Variants in THY1 observed in about 807,000 individuals in gnomAD.
THY1 encodes the protein thy-1 membrane glycoprotein.
In THY1, 10 loss-of-function variants were observed where a neutral mutation model predicts 14.9. The ratio of observed to expected loss-of-function variants is 0.67; its 90% CI spans 0.41 to 1.14. The LOEUF (loss-of-function observed/expected upper bound fraction) is 1.14. THY1 is among the 50% of genes most tolerant of loss of function. The pLI, the probability that THY1 is intolerant of heterozygous loss-of-function variation, is 0.00. For missense variants in THY1, 159 were observed against 202.1 expected, an observed-to-expected ratio of 0.79 and a Z score of 1.29; for synonymous variants, 80 against 90.0, an observed-to-expected ratio of 0.89 and a Z score of 0.63.
rs1861871066 is a variant in THY1, at chr11:119,420,220, C to T, written c.204G>A (p.Gly68=). ...GGGAGCGGTATGTGTGCTCAGGCAC[C>T]CCCACAGTGCCAAAGAGCACGTGCT... is the stretch of plus-strand genomic sequence containing the variant. The part of the protein sequence containing the change: ...TKKHVLFGTV[G]VPEHTYRSRT... Residue 68 remains glycine (G), a synonymous_variant, in exon 3 of 4, where the codon GGG becomes GGA. Coordinates refer to ENST00000284240, the MANE Select transcript of THY1 (RefSeq NM_006288.5). The T allele has an allele frequency of 6.2e-7, 1 of 1,614,242 alleles. No homozygotes were observed. Among genetic ancestry groups the T allele is most frequent in the Non-Finnish European group, 8.5e-7 (1 of 1,180,046 alleles).
rs1010771528 is a variant in THY1, at chr11:119,418,268, A to T, written c.*1140T>A. ...GTGGCACTATACACAGTCACAGAAC[A>T]GGAAGAACCACCGGGTGGGGGCTGG... On this transcript the variant is annotated 3_prime_UTR_variant, in exon 4 of 4. Transcript: ENST00000284240. 3 of 152,538 alleles carry T rather than the reference A, an allele frequency of 2.0e-5. No homozygotes were observed. Among genetic ancestry groups the T allele is most frequent in the Non-Finnish European group, 4.4e-5 (3 of 68,302 alleles). The allele number at this position is 152,538 out of a possible 1,614,324, so 9.4% of individuals were successfully genotyped here.
In THY1 at chr11:119,418,985, C is replaced by T. The variant is rs1861836607; in HGVS notation, c.*423G>A. 1 of 313,106 alleles carries T rather than the reference C, an allele frequency of 3.2e-6. No homozygotes were observed. The highest frequency in any genetic ancestry group is 6.3e-6 in the Non-Finnish European group (1 of 159,656). 19.4% of individuals were successfully genotyped at this position (313,106 alleles called of 1,614,324 possible). ...GTGCTAGGCCCAGGCACAGCCCAAC[C>T]ACTCCTCATCCAAGTCTCTCCCAGG... On this transcript the variant is annotated 3_prime_UTR_variant, in exon 4 of 4. Coordinates refer to ENST00000284240, the MANE Select transcript of THY1 (RefSeq NM_006288.5).
rs1452298152 is a variant in THY1, at chr11:119,421,009, T to C, written c.-24-80A>G. ...GCTGGGGGTCCCTGGGAACATGGCA[T>C]AGTGGCTATGGCAGTCATCTAAGTC... On this transcript the variant is annotated intron_variant, in intron 1 of 3. Coordinates refer to ENST00000284240, the MANE Select transcript of THY1 (RefSeq NM_006288.5). 6 of 1,354,750 alleles carry C rather than the reference T, an allele frequency of 4.4e-6. No individual in the cohort carries two copies. The Admixed American group carries it at 8.5e-5, about 19-fold the overall frequency. The allele number at this position is 1,354,750 out of a possible 1,614,324, so 83.9% of individuals were successfully genotyped here. A position where few individuals can be genotyped will look rare whatever the true frequency, so the allele number is the denominator to read the frequency against.
chr11:119,419,496 A>G lies in THY1; in HGVS notation c.398T>C (p.Ile133Thr), dbSNP rs908228139. The G allele has an allele frequency of 5.0e-6, 8 of 1,613,396 alleles. No homozygotes were observed. In the East Asian group the frequency reaches 1.6e-4, roughly 31 times the overall value. Reference sequence around the variant, plus strand: ...CGAGGTGTTCTGAGCCAGCAGGCTGATGCCCTCACACTTGACCAGTTTGTC... The same window carrying G: ...CGAGGTGTTCTGAGCCAGCAGGCTGGTGCCCTCACACTTGACCAGTTTGTC... ...LRDKLVKCEG[I>T]SLLAQNTSWL... The change falls in exon 4 of 4, where the codon ATC becomes ACC. Residue 133 changes from isoleucine (I) to threonine (T), a missense_variant. Physicochemically the swap from Ile to Thr is moderately conservative, Grantham distance 89. Transcript: ENST00000284240.
Position 119,418,077 on chromosome 11 carries a change from G to A in THY1, c.*1331C>T, listed in dbSNP as rs1861812509. 1 of 152,498 alleles carries A rather than the reference G, an allele frequency of 6.6e-6. No individual in the cohort carries two copies. The highest frequency in any genetic ancestry group is 1.5e-5 in the Non-Finnish European group (1 of 68,246). The allele number at this position is 152,498 out of a possible 1,614,324, so 9.4% of individuals were successfully genotyped here. On this transcript the variant is annotated 3_prime_UTR_variant, in exon 4 of 4. Transcript: ENST00000284240. Reference sequence around the variant, plus strand: ...AAGTGGTTGGGGAGAAGTCAGGGAAGAGGAAGAGGTGGCGTTCCCCAGCCT... The same window carrying A: ...AAGTGGTTGGGGAGAAGTCAGGGAAAAGGAAGAGGTGGCGTTCCCCAGCCT...
chr11:119,421,278 A>G (rs577334429), intron 1 of THY1: 1 of 178,278 alleles, frequency 5.6e-6, no homozygotes, highest in South Asian at 2.0e-4. Context: ...CTTCGTATTT[A>G]AAAAAAAAAT....
At chr11:119,419,917 T>A in intron 3 of THY1, 134 bp downstream of exon 3, 2 of 994,900 alleles carry the variant, frequency 2.0e-6, no homozygotes, top group South Asian at 1.7e-5. Flanking sequence ...GTTCCCCAGT[T>A]GACCAGGCAG....
chr11:119,420,915 A>C lies in THY1; in HGVS notation c.-10T>G. The C allele has an allele frequency of 6.2e-7, 1 of 1,614,100 alleles. No individual in the cohort carries two copies. ...TGATGGCCAGGTTCATGGTTCTGGG[A>C]TCTCAGTCCTGGATCTGGGGTGGGA... On this transcript the variant is annotated 5_prime_UTR_variant, in exon 2 of 4. Transcript: ENST00000284240.
intron 2 of THY1, 93 bp from the exon 3 acceptor site, chr11:119,420,479 G>A: frequency 8.0e-7 from 1 of 1,257,354 alleles, no homozygotes; most frequent in Non-Finnish European, 1.1e-6. Context: ...TGGCTAGGGA[G>A]GGGACCGGGG....
chr11:119,419,061 C>T lies in THY1; in HGVS notation c.*347G>A, dbSNP rs560005195. ...ACCCCTCCAGTGGCTGGTACCCCAC[C>T]ATCCCACTACCCCTCACATGCTCTC... On this transcript the variant is annotated 3_prime_UTR_variant, in exon 4 of 4. Coordinates refer to ENST00000284240, the MANE Select transcript of THY1 (RefSeq NM_006288.5). 1.1e-4 allele frequency: 37 copies of T among 351,020 alleles called. No individual in the cohort carries two copies. The highest frequency in any genetic ancestry group is 7.0e-4 in the African/African-American group (33 of 47,000). 21.7% of individuals were successfully genotyped at this position (351,020 alleles called of 1,614,324 possible). A position where few individuals can be genotyped will look rare whatever the true frequency, so the allele number is the denominator to read the frequency against.
chr11:119,419,152 A>G lies in THY1; in HGVS notation c.*256T>C, dbSNP rs976100911. Reference sequence around the variant, plus strand: ...AACTCTCAAAGAAAAGGAAGGATAAAACCTAAATAAACCAGACAGAAGCAG... The same window carrying G: ...AACTCTCAAAGAAAAGGAAGGATAAGACCTAAATAAACCAGACAGAAGCAG... On this transcript the variant is annotated 3_prime_UTR_variant, in exon 4 of 4. Transcript: ENST00000284240. The G allele has an allele frequency of 4.1e-6, 2 of 493,660 alleles. No individual in the cohort carries two copies. Among genetic ancestry groups the G allele is most frequent in the African/African-American group, 3.9e-5 (2 of 51,280 alleles). 30.6% of individuals were successfully genotyped at this position (493,660 alleles called of 1,614,324 possible).
In THY1 at chr11:119,419,294, C is replaced by T. The variant is rs1232829111; in HGVS notation, c.*114G>A. ...TGGAACTCCTGATGAGGGGTGGGGT[C>T]CCCACTTCTCCTCAAGGTTTGAGGG... is the stretch of plus-strand genomic sequence containing the variant. On this transcript the variant is annotated 3_prime_UTR_variant, in exon 4 of 4. Transcript: ENST00000284240. The T allele has an allele frequency of 2.1e-6, 2 of 963,272 alleles. No homozygotes were observed. The highest frequency in any genetic ancestry group is 3.3e-6 in the Non-Finnish European group (2 of 611,130). The allele number at this position is 963,272 out of a possible 1,614,324, so 59.7% of individuals were successfully genotyped here. A position where few individuals can be genotyped will look rare whatever the true frequency, so the allele number is the denominator to read the frequency against.
In THY1 at chr11:119,422,841, G is replaced by C. The variant is rs1861936633; in HGVS notation, c.-25+272C>G. ...GCTGTCCTTGGTGCCCTTCCTCCCT[G>C]TTCTCCAGCGCCCCAGCCCCAGACA... On this transcript the variant is annotated intron_variant, in intron 1 of 3. Coordinates refer to ENST00000284240, the MANE Select transcript of THY1 (RefSeq NM_006288.5). This position sits in a 1 kb window ranked among gnomAD's most constrained non-coding sequence, Gnocchi z 7.0. 6.6e-6 allele frequency among the ~76,000 whole-genome samples: 1 copy of C among 152,120 alleles called. No individual in the cohort carries two copies. The highest frequency in any genetic ancestry group is 2.4e-5 in the African/African-American group (1 of 41,422).
chr11:119,422,381 G>T lies in THY1; in HGVS notation c.-25+732C>A. 1 of 153,160 alleles carries T rather than the reference G, an allele frequency of 6.5e-6. No homozygotes were observed. Among genetic ancestry groups the T allele is most frequent in the Non-Finnish European group, 1.5e-5 (1 of 68,680 alleles). The allele number at this position is 153,160 out of a possible 1,614,324, so 9.5% of individuals were successfully genotyped here. A position where few individuals can be genotyped will look rare whatever the true frequency, so the allele number is the denominator to read the frequency against. ...GAAGAAATGGGTCTGGGGCTGGAGA[G>T]GGTAGAAGAGCCAGGGGAGGGGTGG... On this transcript the variant is annotated intron_variant, in intron 1 of 3. Transcript: ENST00000284240. This position sits in a 1 kb window ranked among gnomAD's most constrained non-coding sequence, Gnocchi z 7.0.
chr11:119,424,742 T>C (rs976399421), upstream of THY1, among the ~76,000 whole-genome samples: 3 of 152,140 alleles, frequency 2.0e-5, no homozygotes, highest in African/African-American at 7.2e-5. Context: ...CTGGGGACTC[T>C]AACACATGAT....
Position 119,419,439 on chromosome 11 carries a change from AG to A in THY1, c.454del (p.Leu152SerfsTer32), listed in dbSNP as rs766030832. ...GGACATGAAATCCGTGGCCTGGAGG[AG>A]GGAGAGGGAGAGCAGGAGCAGCAGC... ...WLLLLLLSLS[L>X]LQATDFMSL On this transcript the variant is annotated frameshift_variant, in exon 4 of 4. Transcript: ENST00000284240. LOFTEE classifies it high-confidence loss of function. The A allele has an allele frequency of 1.9e-6, 3 of 1,613,736 alleles. No individual in the cohort carries two copies. Among genetic ancestry groups the A allele is most frequent in the African/African-American group, 1.3e-5 (1 of 74,872 alleles).
chr11:119,420,886 A>G lies in THY1; in HGVS notation c.20T>C (p.Ile7Thr). 1 of 1,614,132 alleles carries G rather than the reference A, an allele frequency of 6.2e-7. No homozygotes were observed. Among genetic ancestry groups the G allele is most frequent in the Non-Finnish European group, 8.5e-7 (1 of 1,180,002 alleles). The change falls in exon 2 of 4, where the codon ATC becomes ACC. Residue 7 changes from isoleucine to threonine, a missense_variant. By Grantham distance (89) the Ile-to-Thr change is moderately conservative. Transcript: ENST00000284240. MNLAIS[I>T]ALLLTVLQVS... Reference sequence around the variant, plus strand: ...CCGGGTACCTGTTAGCAGGAGAGCGATGCTGATGGCCAGGTTCATGGTTCT... The same window carrying G: ...CCGGGTACCTGTTAGCAGGAGAGCGGTGCTGATGGCCAGGTTCATGGTTCT...
Position 119,420,307 on chromosome 11 carries a change from G to A in THY1, c.117C>T (p.Arg39=). Reference sequence around the variant, plus strand: ...TGGGTGAACTGCTGGTATTCTCATGGCGGCAGTCCAGACGAAGGCTCTGGT... The same window carrying A: ...TGGGTGAACTGCTGGTATTCTCATGACGGCAGTCCAGACGAAGGCTCTGGT... The part of the protein sequence containing the change: ...LVDQSLRLDC[R]HENTSSSPIQ... The change falls in exon 3 of 4, where the codon CGC becomes CGT. Residue 39 remains arginine (R), a synonymous_variant. Transcript: ENST00000284240. 1 of 1,614,224 alleles carries A rather than the reference G, an allele frequency of 6.2e-7. No individual in the cohort carries two copies.
At chr11:119,424,174 A>G (rs1861974293), upstream of THY1, 1 of 152,290 alleles carries the variant, frequency 6.6e-6, no homozygotes, top group Non-Finnish European at 1.5e-5. Context: ...GAGACAGCAC[A>G]AAAAGGACTG....
Sources: allele counts gnomAD v4.1 joint callset (sites outside exome capture counted in the v4.1 genomes callset), GRCh38; gene constraint gnomAD v4.1.1; non-coding constraint Gnocchi (gnomAD v3.1); transcripts MANE v1.5; gene names NCBI Gene and HGNC (gene_info 2026-07-23, HGNC 2026-07-21).